The following DACH1 variants were observed in gnomAD, a reference collection of about 807,000 sequenced individuals.
The protein encoded by DACH1 is dachshund family transcription factor 1.
In DACH1, 12 loss-of-function variants were observed where a neutral mutation model predicts 54.2. The observed-to-expected ratio is 0.22, with a 90% CI of 0.14 to 0.36. DACH1 has a LOEUF of 0.36. Among genes scored for constraint, DACH1 ranks in the 10% least tolerant of loss-of-function variants. The pLI, the probability that DACH1 is intolerant of heterozygous loss-of-function variation, is 1.00. For synonymous variants in DACH1, 386 were observed against 366.2 expected, an observed-to-expected ratio of 1.05 and a Z score of -0.62; for missense variants, 805 against 929.8, an observed-to-expected ratio of 0.87 and a Z score of 1.75.
chr13:71,771,526 G>A (rs954982059), intron 1 of DACH1, among the ~76,000 whole-genome samples: 4 of 151,340 alleles, frequency 2.6e-5, no homozygotes, highest in African/African-American at 7.2e-5. Flanking sequence ...AACCAAAGTA[G>A]AACTTACAGA....
chr13:71,455,678 CA>C lies in DACH1; in HGVS notation c.2084-14987del, dbSNP rs1402458387. Among the ~76,000 whole-genome samples the C allele has an allele frequency of 5.9e-5, 9 of 152,034 alleles. No individual in the cohort carries two copies. In the East Asian group the frequency reaches 1.4e-3, roughly 23 times the overall value. ...AAGTTGTTACAGTTTAATGAACTGA[CA>C]AAAAGCAAAAGAGGAAAACCACATT... On this transcript the variant is annotated intron_variant, in intron 10 of 10. Coordinates refer to ENST00000613252, the MANE Select transcript of DACH1 (RefSeq NM_080759.6).
chr13:71,726,817 C>T (rs1883492391), intron 1 of DACH1, among the ~76,000 whole-genome samples: 2 of 151,914 alleles, frequency 1.3e-5, no homozygotes, highest in South Asian at 4.1e-4. Flanking sequence ...TCTTATTAAA[C>T]AATTCTTTAG....
intron 3 of DACH1, among the ~76,000 whole-genome samples, chr13:71,594,377 A>C (rs1461283909): frequency 4.6e-5 from 7 of 152,076 alleles, no homozygotes; most frequent in Non-Finnish European, 1.0e-4. Flanking sequence ...AGATTTAGAG[A>C]GATATAACTA....
intron 2 of DACH1, among the ~76,000 whole-genome samples, chr13:71,676,162 G>A (rs919039523): frequency 2.0e-5 from 3 of 151,948 alleles, no homozygotes; most frequent in African/African-American, 7.3e-5. Flanking sequence ...CCTTACTTGT[G>A]AGTATCCCAA....
chr13:71,820,568 C>T (rs1888147328), intron 1 of DACH1, among the ~76,000 whole-genome samples: 1 of 151,968 alleles, frequency 6.6e-6, no homozygotes, highest in Non-Finnish European at 1.5e-5. Context: ...TTGCTTTAGA[C>T]TAATGCATTA....
At chr13:71,826,563 G>A (rs980373499) in intron 1 of DACH1, among the ~76,000 whole-genome samples, 43 of 151,950 alleles carry the variant, frequency 2.8e-4, no homozygotes, top group African/African-American at 9.2e-4. Flanking sequence ...ACTGAGGTTT[G>A]TTTTGCCACC....
chr13:71,634,579 G>T (rs1158144237), intron 2 of DACH1, among the ~76,000 whole-genome samples: 1 of 152,032 alleles, frequency 6.6e-6, no homozygotes, highest in Admixed American at 6.6e-5. Context: ...AATATTATGC[G>T]CTCAGAGCTG....
intron 2 of DACH1, among the ~76,000 whole-genome samples, chr13:71,650,906 A>G (rs1458877524): frequency 6.6e-6 from 1 of 152,196 alleles, no homozygotes; most frequent in African/African-American, 2.4e-5. Flanking sequence ...AAATACAAAC[A>G]AAACCAGTCT....
At chr13:71,544,585 T>A (rs951637847) in intron 6 of DACH1, among the ~76,000 whole-genome samples, 1 of 152,160 alleles carries the variant, frequency 6.6e-6, no homozygotes, top group Non-Finnish European at 1.5e-5. Flanking sequence ...ACTGCAAAAC[T>A]TCCCTATGTC....
intron 6 of DACH1, among the ~76,000 whole-genome samples, chr13:71,491,123 G>C (rs1392817752): frequency 1.3e-5 from 2 of 152,106 alleles, no homozygotes; most frequent in Non-Finnish European, 2.9e-5. Context: ...CTGTTGTGTG[G>C]ATTAAATCAT....
chr13:71,446,100 A>G (rs1457797833), intron 10 of DACH1, among the ~76,000 whole-genome samples: 1 of 152,176 alleles, frequency 6.6e-6, no homozygotes, highest in Non-Finnish European at 1.5e-5. Flanking sequence ...GAGTGCGTCC[A>G]TAGCTGAGGC....
At position 71,866,895 on chromosome 13, in the gene DACH1, A is replaced by C; in HGVS notation, c.-126T>G. ...GGGGCAACAACAACTCCGGGAGAGA[A>C]CGAGAAGGAGAAAGGGAGAGAAGGG... On this transcript the variant is annotated 5_prime_UTR_variant, in exon 1 of 11. Transcript: ENST00000613252. The C allele has an allele frequency of 8.9e-6, 6 of 676,442 alleles. No homozygotes were observed. Among genetic ancestry groups the C allele is most frequent in the Non-Finnish European group, 1.2e-5 (6 of 487,008 alleles). 41.9% of individuals were successfully genotyped at this position (676,442 alleles called of 1,614,324 possible).
intron 7 of DACH1, among the ~76,000 whole-genome samples, chr13:71,486,843 T>TGGAGTTTCACTCTTGATGC (rs1878569018): frequency 6.9e-6 from 1 of 143,902 alleles, no homozygotes; most frequent in African/African-American, 2.6e-5. Flanking sequence ...TATCTATCTA[T>TGGAGTTTCACTCTTGATGC]CTATCTATCT....
intron 6 of DACH1, among the ~76,000 whole-genome samples, chr13:71,551,023 A>C (rs1467502612): frequency 1.3e-5 from 2 of 152,134 alleles, no homozygotes; most frequent in Non-Finnish European, 2.9e-5. Flanking sequence ...TAAAGAAAAA[A>C]GGCTTTTAGT....
At chr13:71,711,812 A>G (rs1882735399) in intron 1 of DACH1, among the ~76,000 whole-genome samples, 1 of 152,110 alleles carries the variant, frequency 6.6e-6, no homozygotes, top group Admixed American at 6.5e-5. Flanking sequence ...CACATGAGGA[A>G]TGTTTTTGAT....
chr13:71,464,352 G>T (rs1385271871), intron 10 of DACH1, among the ~76,000 whole-genome samples: 4 of 151,912 alleles, frequency 2.6e-5, no homozygotes, highest in South Asian at 2.1e-4. Flanking sequence ...TGTTGCTGTT[G>T]TTAAAATGAT....
chr13:71,826,522 C>T (rs1255670761), intron 1 of DACH1, among the ~76,000 whole-genome samples: 2 of 152,034 alleles, frequency 1.3e-5, no homozygotes, highest in Non-Finnish European at 2.9e-5. Context: ...CCTGTCTCTT[C>T]TCCCATTCCC....
At chr13:71,758,775 G>C (rs1885275860) in intron 1 of DACH1, among the ~76,000 whole-genome samples, 1 of 152,202 alleles carries the variant, frequency 6.6e-6, no homozygotes, top group Admixed American at 6.5e-5. Context: ...AAAGATGACT[G>C]AGTGGCATAT....
At position 71,866,466 on chromosome 13, in the gene DACH1, T is replaced by C; in HGVS notation, c.304A>G (p.Ser102Gly). The change falls in exon 1 of 11, where the codon AGC (serine) becomes GGC (glycine). Residue 102 changes from serine (S) to glycine (G), a missense_variant. By Grantham distance (56) the Ser-to-Gly change is moderately conservative. Around this residue, in one of 3 missense-constraint regions of DACH1, gnomAD observed 305 missense variants for 308.7 expected, o/e 0.99. Coordinates refer to ENST00000613252, the MANE Select transcript of DACH1 (RefSeq NM_080759.6). ...GGGGGGGGGGSNCNPNLAAAS... is the reference protein window; with the variant it reads ...GGGGGGGGGGGNCNPNLAAAS... ...GCCGCCAGGTTGGGGTTGCAGTTGCTGCCACCGCCGCCGCCGCCACCGCCG... is the reference window on the plus strand; with the variant it reads ...GCCGCCAGGTTGGGGTTGCAGTTGCCGCCACCGCCGCCGCCGCCACCGCCG... 7.8e-7 allele frequency: 1 copy of C among 1,282,426 alleles called. No homozygotes were observed. The allele number at this position is 1,282,426 out of a possible 1,614,324, so 79.4% of individuals were successfully genotyped here.
Sources: gnomAD v4.1 joint callset for allele counts (sites outside exome capture counted in the v4.1 genomes callset) on GRCh38, gnomAD v4.1.1 for gene constraint, gnomAD v4.1.1 regional missense constraint, MANE v1.5 for transcripts, NCBI Gene and HGNC (gene_info 2026-07-23, HGNC 2026-07-21) for gene names.